The following FAM120C variants were observed in gnomAD, a reference collection of about 807,000 sequenced individuals.
FAM120C encodes family with sequence similarity 120 member C.
A neutral mutation model predicts 71.2 loss-of-function variants in FAM120C; 14 were observed. That is an observed-to-expected ratio of 0.20 (90% CI 0.13 to 0.31). The LOEUF is 0.31. Among genes scored for constraint, FAM120C ranks in the 10% least tolerant of loss-of-function variants. The pLI is 1.00. For synonymous variants in FAM120C, 354 were observed against 353.2 expected (o/e 1.00, Z -0.03); for missense variants, 500 against 879.0 (o/e 0.57, Z 5.45).
chrX:54,146,379 A>G (rs1270637032), intron 4 of FAM120C, among the ~76,000 whole-genome samples: 2 of 112,102 alleles, frequency 1.8e-5, no homozygotes, highest in African/African-American at 6.5e-5. Flanking sequence ...TATAGATAAC[A>G]GTGAAAAATA....
intron 10 of FAM120C, among the ~76,000 whole-genome samples, chrX:54,110,093 T>C (rs964493403): frequency 2.2e-5 from 2 of 91,331 alleles, no homozygotes; most frequent in Admixed American, 1.4e-4. Context: ...CTCGGCTCAC[T>C]GCAAGCTCTA....
intron 10 of FAM120C, among the ~76,000 whole-genome samples, chrX:54,098,456 A>C (rs2066865537): frequency 9.0e-6 from 1 of 111,121 alleles, no homozygotes; most frequent in Admixed American, 9.6e-5. Context: ...TATCCTTTTC[A>C]ACACTTGCTG....
intron 3 of FAM120C, among the ~76,000 whole-genome samples, chrX:54,152,865 TG>T (rs782514709): frequency 4.5e-5 from 5 of 110,042 alleles, no homozygotes; most frequent in Non-Finnish European, 7.6e-5. Flanking sequence ...GTAGATGTGT[TG>T]GGATAGGGTG....
chrX:54,145,344 C>T (rs1328454528), intron 4 of FAM120C, among the ~76,000 whole-genome samples: 4 of 111,438 alleles, frequency 3.6e-5, no homozygotes, highest in Non-Finnish European at 7.5e-5. Context: ...AGAGCTTCTG[C>T]ACAGCAAAAG....
At chrX:54,073,377 GCTTCAGTT>G (rs1418298836) in intron 15 of FAM120C, 90 bp from the exon 16 acceptor site, 9 of 954,370 alleles carry the variant, frequency 9.4e-6, no homozygotes, top group Non-Finnish European at 1.3e-5. Flanking sequence ...TGAGGAAGCG[GCTTCAGTT>G]CTTCAAAAAC....
At chrX:54,118,273 A>ATCCATCCATG (rs1557126985) in intron 9 of FAM120C, among the ~76,000 whole-genome samples, 2 of 109,997 alleles carry the variant, frequency 1.8e-5, no homozygotes, top group Non-Finnish European at 3.8e-5. Context: ...TGCCCTTAAG[A>ATCCATCCATG]TCCATCCATG....
At chrX:54,173,691 T>A (rs1450367161) in intron 1 of FAM120C, 1 of 119,970 alleles carries the variant, frequency 8.3e-6, no homozygotes, top group Non-Finnish European at 1.7e-5. Flanking sequence ...ATACGTGAAC[T>A]TCTTCCATAA....
intron 4 of FAM120C, among the ~76,000 whole-genome samples, chrX:54,150,669 G>C (rs2067180176): frequency 9.0e-6 from 1 of 111,088 alleles, no homozygotes; most frequent in Admixed American, 9.7e-5. Flanking sequence ...GGTAACTATA[G>C]CAAGTTGTTT....
chrX:54,111,113 T>G (rs1214743595), intron 10 of FAM120C, among the ~76,000 whole-genome samples: 3 of 110,138 alleles, frequency 2.7e-5, no homozygotes, highest in African/African-American at 6.6e-5. Flanking sequence ...CCCAGCTACT[T>G]AGGAGACTGA....
intron 4 of FAM120C, among the ~76,000 whole-genome samples, chrX:54,137,784 A>G (rs911739737): frequency 8.9e-6 from 1 of 112,027 alleles, no homozygotes; most frequent in African/African-American, 3.2e-5. Flanking sequence ...GCTAAAGTAA[A>G]AGACTATCAA....
In FAM120C at chrX:54,072,760, T is replaced by C; in HGVS notation, c.*273A>G. The C allele has an allele frequency of 7.7e-6, 2 of 258,462 alleles. No individual in the cohort carries two copies. The highest frequency in any genetic ancestry group is 6.1e-5 in the East Asian group (1 of 16,275). 21.3% of individuals were successfully genotyped at this position (258,462 alleles called of 1,213,427 possible). On this transcript the variant is annotated 3_prime_UTR_variant, in exon 16 of 16. Transcript: ENST00000375180. Reference sequence around the variant, plus strand: ...TGCCTTACTAGGCTCCCAGAGGAGATAAATAAACTATTGGTGCTATATCTT... The same window carrying C: ...TGCCTTACTAGGCTCCCAGAGGAGACAAATAAACTATTGGTGCTATATCTT...
intron 13 of FAM120C, among the ~76,000 whole-genome samples, chrX:54,083,272 G>A (rs1305078783): frequency 9.1e-6 from 1 of 109,735 alleles, no homozygotes; most frequent in African/African-American, 3.3e-5. Flanking sequence ...GAAACCAAAT[G>A]AACCCTTAAC....
At chrX:54,166,419 T>C (rs1256385048) in intron 1 of FAM120C, among the ~76,000 whole-genome samples, 1 of 112,022 alleles carries the variant, frequency 8.9e-6, no homozygotes, top group Non-Finnish European at 1.9e-5. Flanking sequence ...GGAACAACAA[T>C]GAAAGTGCCT....
intron 15 of FAM120C, among the ~76,000 whole-genome samples, chrX:54,074,157 AT>A (rs1373057525): frequency 3.6e-5 from 4 of 111,293 alleles, no homozygotes; most frequent in Non-Finnish European, 7.5e-5. Context: ...GCTTTACAAT[AT>A]GTTTTTCTAA....
intron 1 of FAM120C, among the ~76,000 whole-genome samples, chrX:54,163,815 T>C (rs1336128445): frequency 1.8e-5 from 2 of 110,284 alleles, no homozygotes; most frequent in Non-Finnish European, 3.8e-5. Context: ...CATGAAAGCA[T>C]TACCCACTTT....
intron 9 of FAM120C, among the ~76,000 whole-genome samples, chrX:54,118,297 C>G (rs1294541043): frequency 9.1e-6 from 1 of 110,123 alleles, no homozygotes; most frequent in Non-Finnish European, 1.9e-5. Flanking sequence ...CTGCATGTAT[C>G]GATAGTACAT....
chrX:54,182,476 T>C (rs781957917), intron 1 of FAM120C, 24 bp downstream of exon 1: 1 of 1,188,242 alleles, frequency 8.4e-7, no homozygotes, highest in Admixed American at 2.2e-5. Flanking sequence ...GGGCTTATTA[T>C]TTAAGATCCG....
intron 8 of FAM120C, among the ~76,000 whole-genome samples, chrX:54,133,548 T>A (rs781865379): frequency 1.8e-5 from 2 of 111,864 alleles, no homozygotes; most frequent in East Asian, 5.7e-4. Context: ...CTTCAAAATC[T>A]CACAATTACA....
intron 4 of FAM120C, among the ~76,000 whole-genome samples, chrX:54,146,882 G>T (rs1428622319): frequency 9.1e-6 from 1 of 109,952 alleles, no homozygotes; most frequent in Non-Finnish European, 1.9e-5. Flanking sequence ...ATTCAATGGG[G>T]AAAAGATAGT....
Sources: gnomAD v4.1 joint callset for allele counts (sites outside exome capture counted in the v4.1 genomes callset) on GRCh38, gnomAD v4.1.1 for gene constraint, MANE v1.5 for transcripts, NCBI Gene and HGNC (gene_info 2026-07-23, HGNC 2026-07-21) for gene names.